The following ZNF385D variants were observed in gnomAD, a reference collection of about 807,000 sequenced individuals.
ZNF385D encodes zinc finger protein 659.
A neutral mutation model predicts 35.8 loss-of-function variants in ZNF385D; 15 were observed. The observed-to-expected ratio is 0.42, with a 90% confidence interval of 0.28 to 0.64. ZNF385D has a LOEUF of 0.64. Ranked by LOEUF, ZNF385D falls within the 30% of genes least tolerant of loss-of-function variation. The pLI is 0.23. For synonymous variants in ZNF385D, 212 were observed against 186.8 expected (o/e 1.13, Z -1.10); for missense variants, 474 against 494.6 (o/e 0.96, Z 0.39).
chr3:21,587,937 G>C (rs2063858743), intron 2 of ZNF385D, among the ~76,000 whole-genome samples: 1 of 152,100 alleles, frequency 6.6e-6, no homozygotes, highest in African/African-American at 2.4e-5. Context: ...ATTTTTGAAG[G>C]TTTTTAAAAA....
intron 2 of ZNF385D, among the ~76,000 whole-genome samples, chr3:22,323,988 A>G (rs1309184443): frequency 2.6e-5 from 4 of 152,202 alleles, no homozygotes; most frequent in African/African-American, 7.2e-5. Context: ...TCATGGTCCA[A>G]TATTAGGATA....
intron 3 of ZNF385D, among the ~76,000 whole-genome samples, chr3:21,826,909 G>C (rs985055976): frequency 6.6e-6 from 1 of 151,848 alleles, no homozygotes; most frequent in Non-Finnish European, 1.5e-5. Flanking sequence ...GAACAGTGAA[G>C]AGTATGGACT....
upstream of ZNF385D, among the ~76,000 whole-genome samples, chr3:21,756,191 G>A (rs188188676): frequency 1.3e-5 from 2 of 152,268 alleles, no homozygotes; most frequent in East Asian, 3.9e-4. Flanking sequence ...AAGAGAACAT[G>A]GCTTGGACCA....
intron 2 of ZNF385D, among the ~76,000 whole-genome samples, chr3:22,176,407 C>T (rs966576304): frequency 7.9e-5 from 12 of 152,174 alleles, no homozygotes; most frequent in African/African-American, 2.9e-4. Context: ...AAAATGAGAA[C>T]ATTTTAATTA....
At chr3:22,183,789 G>T (rs907493777) in intron 2 of ZNF385D, among the ~76,000 whole-genome samples, 4 of 151,698 alleles carry the variant, frequency 2.6e-5, no homozygotes, top group Admixed American at 6.6e-5. Context: ...TGGCAAAATG[G>T]AGGTCTTAGA....
At position 22,252,365 on chromosome 3, in the gene ZNF385D, T is replaced by TG. The variant is rs1332918322; in HGVS notation, c.107-83331dup. Among the ~76,000 whole-genome samples the TG allele has an allele frequency of 2.0e-5, 3 of 152,114 alleles. No homozygotes were observed. In the East Asian group the frequency reaches 5.8e-4, roughly 29 times the overall value. ...AAAAGAGTAAGTATCGATTGTTGTG[T>TG]GGGGGAAATAAACCCAACAGAAAGA... On this transcript the variant is annotated intron_variant, in intron 2 of 5. Transcript: ENST00000494108.
intron 2 of ZNF385D, among the ~76,000 whole-genome samples, chr3:22,316,771 T>G (rs1046831014): frequency 6.6e-6 from 1 of 152,156 alleles, no homozygotes; most frequent in African/African-American, 2.4e-5. Flanking sequence ...CTTTTAGTGT[T>G]TGAAACTTCT....
chr3:22,077,830 T>A (rs1408673669), intron 3 of ZNF385D, among the ~76,000 whole-genome samples: 1 of 151,878 alleles, frequency 6.6e-6, no homozygotes. Context: ...AATAGGTGTG[T>A]TAGTGATAGG....
At chr3:21,666,949 C>T (rs1321602504) in intron 1 of ZNF385D, among the ~76,000 whole-genome samples, 1 of 151,940 alleles carries the variant, frequency 6.6e-6, no homozygotes, top group Non-Finnish European at 1.5e-5. Flanking sequence ...GTGGGGTGCA[C>T]ACCTGTAATC....
chr3:22,240,692 C>T lies in ZNF385D; in HGVS notation c.107-71657G>A, dbSNP rs1051971755. ...CTTGATCCTCTTGCTTCCTCACATC[C>T]TTGTCAGGCAAAGGATGTTAGACAA... On this transcript the variant is annotated intron_variant, in intron 2 of 5. Transcript: ENST00000494108. Among the ~76,000 whole-genome samples, 12 of 151,008 alleles carry T rather than the reference C, an allele frequency of 7.9e-5. 1 individual carries two copies. The East Asian group carries it at 2.3e-3, about 30-fold the overall frequency.
intron 3 of ZNF385D, among the ~76,000 whole-genome samples, chr3:22,160,584 G>C (rs79522245): frequency 0.046 from 6,967 of 152,156 alleles, 210 homozygotes; most frequent in Non-Finnish European, 0.062. Context: ...GAATAGATCA[G>C]TGAGAACTAG....
chr3:22,220,739 C>T (rs1231216065), intron 2 of ZNF385D, among the ~76,000 whole-genome samples: 1 of 152,010 alleles, frequency 6.6e-6, no homozygotes, highest in African/African-American at 2.4e-5. Flanking sequence ...ATTCCTGAAG[C>T]CCTCATCCTT....
At chr3:21,734,672 A>G (rs1369262680) in intron 1 of ZNF385D, among the ~76,000 whole-genome samples, 1 of 152,136 alleles carries the variant, frequency 6.6e-6, no homozygotes, top group East Asian at 1.9e-4. Flanking sequence ...TAAAACTTCA[A>G]GGTAAATTTG....
intron 3 of ZNF385D, among the ~76,000 whole-genome samples, chr3:22,021,690 G>C (rs1347927075): frequency 6.6e-6 from 1 of 151,962 alleles, no homozygotes; most frequent in Non-Finnish European, 1.5e-5. Flanking sequence ...AATCAACTAG[G>C]GGTACTTAAA....
intron 2 of ZNF385D, among the ~76,000 whole-genome samples, chr3:21,602,514 TTTC>T (rs1339731844): frequency 4.8e-4 from 36 of 75,162 alleles, no homozygotes; most frequent in African/African-American, 1.1e-3. Context: ...TTCCCTGCAT[TTTC>T]TTTTTTTTTT....
intron 3 of ZNF385D, among the ~76,000 whole-genome samples, chr3:22,063,541 C>G (rs991930113): frequency 6.6e-6 from 1 of 152,150 alleles, no homozygotes; most frequent in African/African-American, 2.4e-5. Context: ...ATTAAATTCT[C>G]TAAAGTCCCT....
chr3:21,966,485 T>A (rs1233919708), intron 3 of ZNF385D, among the ~76,000 whole-genome samples: 1 of 152,210 alleles, frequency 6.6e-6, no homozygotes, highest in African/African-American at 2.4e-5. Context: ...AGCAGAGGCT[T>A]TATAATCAGA....
At chr3:21,859,577 G>A (rs1696929002) in intron 3 of ZNF385D, among the ~76,000 whole-genome samples, 1 of 151,824 alleles carries the variant, frequency 6.6e-6, no homozygotes, top group Non-Finnish European at 1.5e-5. Context: ...GCCATGTCAA[G>A]GTGCAGGCCC....
rs6796849 is a variant in ZNF385D at position 21,543,881 on chromosome 3, G to C, written c.276+20693C>G. On this transcript the variant is annotated intron_variant, in intron 3 of 7. Coordinates refer to ENST00000281523, the MANE Select transcript of ZNF385D (RefSeq NM_024697.3). ...ATCCTGAGGGCATGGCTTGTAACTG[G>C]TGGCAAGGCTTTGTTTAGCAATCCT... Among the ~76,000 whole-genome samples the C allele has an allele frequency of 3.6e-3, 545 of 152,274 alleles. 3 individuals are homozygous for C. The highest frequency in any genetic ancestry group is 0.012 in the African/African-American group (519 of 41,548).
Sources: gnomAD v4.1 joint callset for allele counts (sites outside exome capture counted in the v4.1 genomes callset) on GRCh38, gnomAD v4.1.1 for gene constraint, MANE v1.5 for transcripts, NCBI Gene and HGNC (gene_info 2026-07-23, HGNC 2026-07-21) for gene names.